The following ANKS1B variants were observed in gnomAD, a reference collection of about 807,000 sequenced individuals.
The protein encoded by ANKS1B is ankyrin repeat and sterile alpha motif domain containing 1B.
A neutral mutation model predicts 148.3 loss-of-function variants in ANKS1B; 36 were observed. The observed-to-expected ratio is 0.24, with a 90% CI of 0.19 to 0.32. The LOEUF (loss-of-function observed/expected upper bound fraction) is 0.32, where lower values mean the gene tolerates loss of function less well. Ranked by LOEUF, ANKS1B falls within the 10% of genes least tolerant of loss-of-function variation. ANKS1B has a pLI of 1.00. For missense variants in ANKS1B, 1,157 were observed against 1,542.6 expected (o/e 0.75, Z 4.19); for synonymous variants, 542 against 560.8 (o/e 0.97, Z 0.47).
At chr12:99,232,179 A>G (rs1489047934) in intron 14 of ANKS1B, among the ~76,000 whole-genome samples, 2 of 152,196 alleles carry the variant, frequency 1.3e-5, no homozygotes, top group Admixed American at 6.5e-5. Flanking sequence ...AATATAGACA[A>G]TGTACTCTAT....
chr12:99,885,092 AG>A (rs1177453028), intron 1 of ANKS1B, among the ~76,000 whole-genome samples: 1 of 152,082 alleles, frequency 6.6e-6, no homozygotes, highest in Admixed American at 6.5e-5. Flanking sequence ...AGTTTTTTAA[AG>A]GTTTCAAGAT....
intron 10 of ANKS1B, among the ~76,000 whole-genome samples, chr12:99,454,079 T>C (rs1472698056): frequency 6.6e-6 from 1 of 152,208 alleles, no homozygotes; most frequent in Non-Finnish European, 1.5e-5. Flanking sequence ...GAACGAGCAT[T>C]ATGCCTTTGG....
rs575368374 is a variant in ANKS1B, at chr12:99,786,272, C to T, written c.670-4175G>A. 7.1e-4 allele frequency among the ~76,000 whole-genome samples: 108 copies of T among 152,162 alleles called. 1 individual carries two copies. In the South Asian group the frequency reaches 0.015, roughly 22 times the overall value. ...AATTCCCCACAGCCTTAGGGAAAGG[C>T]GAGGACAGAAAGTATGAACCCCAGG... On this transcript the variant is annotated intron_variant, in intron 4 of 26. Coordinates refer to ENST00000683438, the MANE Select transcript of ANKS1B (RefSeq NM_001352186.2).
intron 9 of ANKS1B, among the ~76,000 whole-genome samples, chr12:99,612,987 G>A (rs1398880355): frequency 6.6e-6 from 1 of 152,080 alleles, no homozygotes; most frequent in Non-Finnish European, 1.5e-5. Context: ...CTGAGCCAAT[G>A]GGAATGCCCT....
At chr12:99,457,865 T>C (rs2152842466) in intron 10 of ANKS1B, among the ~76,000 whole-genome samples, 1 of 152,120 alleles carries the variant, frequency 6.6e-6, no homozygotes, top group East Asian at 1.9e-4. Context: ...CAGTCAGGTC[T>C]TCAAGACAGA....
At chr12:99,168,181 T>C (rs890030126) in intron 14 of ANKS1B, among the ~76,000 whole-genome samples, 3 of 152,310 alleles carry the variant, frequency 2.0e-5, no homozygotes, top group African/African-American at 7.2e-5. Context: ...ACTTTAAATA[T>C]ATGCCGTTTG....
chr12:99,115,752 G>A (rs1411406365), intron 15 of ANKS1B, among the ~76,000 whole-genome samples: 1 of 152,002 alleles, frequency 6.6e-6, no homozygotes, highest in East Asian at 1.9e-4. Flanking sequence ...CTAACATGGT[G>A]AAACTCTGTC....
At chr12:99,801,207 T>G (rs1403282410) in intron 4 of ANKS1B, among the ~76,000 whole-genome samples, 1 of 152,150 alleles carries the variant, frequency 6.6e-6, no homozygotes, top group African/African-American at 2.4e-5. Context: ...GCTTTCTCTC[T>G]TATGCACAAT....
At chr12:98,804,910 C>T (rs560276494) in intron 20 of ANKS1B, among the ~76,000 whole-genome samples, 16 of 152,072 alleles carry the variant, frequency 1.1e-4, no homozygotes, top group Non-Finnish European at 2.2e-4. Context: ...TATTAAATAA[C>T]AGACCTAAGA....
chr12:99,160,564 G>T (rs1294089146), intron 14 of ANKS1B, among the ~76,000 whole-genome samples: 1 of 150,430 alleles, frequency 6.6e-6, no homozygotes, highest in Non-Finnish European at 1.5e-5. Flanking sequence ...TAGCCAGGAT[G>T]GTCTCGATCT....
intron 17 of ANKS1B, among the ~76,000 whole-genome samples, chr12:98,988,535 G>T (rs2099924759): frequency 6.6e-6 from 1 of 151,906 alleles, no homozygotes; most frequent in African/African-American, 2.4e-5. Flanking sequence ...TCCATATCTT[G>T]GTGATTGTGA....
chr12:99,471,491 G>C (rs1195283542), intron 10 of ANKS1B, among the ~76,000 whole-genome samples: 1 of 151,972 alleles, frequency 6.6e-6, no homozygotes, highest in East Asian at 1.9e-4. Context: ...AAGTCCTTTT[G>C]TAATTACTTA....
At chr12:99,454,855 C>T (rs1043697909) in intron 10 of ANKS1B, among the ~76,000 whole-genome samples, 1 of 152,144 alleles carries the variant, frequency 6.6e-6, no homozygotes, top group African/African-American at 2.4e-5. Flanking sequence ...GAGAACTGCA[C>T]AGTTAAGAAA....
At chr12:98,807,237 A>T (rs1239367565) in intron 20 of ANKS1B, among the ~76,000 whole-genome samples, 1 of 152,188 alleles carries the variant, frequency 6.6e-6, no homozygotes, top group Non-Finnish European at 1.5e-5. Flanking sequence ...TCAGAGTAAA[A>T]TGGGTCACAA....
intron 15 of ANKS1B, among the ~76,000 whole-genome samples, chr12:99,112,426 C>T (rs150198316): frequency 6.6e-5 from 10 of 151,716 alleles, no homozygotes; most frequent in African/African-American, 2.4e-4. Flanking sequence ...TTTTCTGATA[C>T]TAGATGCACA....
At position 98,829,108 on chromosome 12, in the gene ANKS1B, T is replaced by C. The variant is rs2153687457; in HGVS notation, c.3066+66A>G. 1 of 1,566,318 alleles carries C rather than the reference T, an allele frequency of 6.4e-7. No individual in the cohort carries two copies. The highest frequency in any genetic ancestry group is 8.8e-7 in the Non-Finnish European group (1 of 1,140,344). On this transcript the variant is annotated intron_variant, in intron 19 of 26. Coordinates refer to ENST00000683438, the MANE Select transcript of ANKS1B (RefSeq NM_001352186.2). The surrounding 1 kb of genome is among the most constrained non-coding windows in gnomAD (Gnocchi z 5.2). ...ACAATAAGCATCCATAGGAAGCTAC[T>C]GTTCACTATTAAAAGGCATTACCTG...
At chr12:99,158,628 C>T (rs2076322488) in intron 14 of ANKS1B, among the ~76,000 whole-genome samples, 1 of 152,040 alleles carries the variant, frequency 6.6e-6, no homozygotes, top group Non-Finnish European at 1.5e-5. Flanking sequence ...CAACAAAAAC[C>T]AACCATCAAA....
chr12:99,764,110 T>C (rs959093369), intron 8 of ANKS1B, among the ~76,000 whole-genome samples: 2 of 152,218 alleles, frequency 1.3e-5, no homozygotes, highest in African/African-American at 4.8e-5. Flanking sequence ...ATCAAACAGA[T>C]GTTTTTATGC....
At chr12:99,816,322 C>G (rs1003166765) in intron 2 of ANKS1B, among the ~76,000 whole-genome samples, 2 of 151,646 alleles carry the variant, frequency 1.3e-5, no homozygotes, top group Non-Finnish European at 2.9e-5. Context: ...CCTTTGCCTA[C>G]TTTTTGATGG....
Sources: gnomAD v4.1 joint callset for allele counts (sites outside exome capture counted in the v4.1 genomes callset) on GRCh38, gnomAD v4.1.1 for gene constraint, Gnocchi (gnomAD v3.1) non-coding constraint, MANE v1.5 for transcripts, NCBI Gene and HGNC (gene_info 2026-07-23, HGNC 2026-07-21) for gene names.